Variants in EML6 observed in about 807,000 individuals in gnomAD.
The protein encoded by EML6 is EMAP like 6, also known as echinoderm microtubule-associated protein-like 6.
Under a neutral mutation model 240.1 loss-of-function variants are expected in EML6, and 154 were observed. The observed-to-expected ratio is 0.64, with a 90% CI of 0.56 to 0.73. EML6 has a LOEUF of 0.73. Ranked by LOEUF, EML6 falls within the 30% of genes least tolerant of loss-of-function variation. The pLI is 0.00. For missense variants in EML6, 2,964 were observed against 2,474.6 expected, an observed-to-expected ratio of 1.20 and a Z score of -4.20; for synonymous variants, 1,148 against 899.0, an observed-to-expected ratio of 1.28 and a Z score of -4.95.
intron 38 of EML6, 109 bp downstream of exon 38, chr2:54,964,842 C>T (rs1164037999): frequency 6.0e-6 from 6 of 995,624 alleles, no homozygotes; most frequent in South Asian, 1.8e-5. Flanking sequence ...TGCTAACTCA[C>T]TCTTCACCAG....
At chr2:54,742,547 G>T (rs927761198) in intron 2 of EML6, among the ~76,000 whole-genome samples, 2 of 152,156 alleles carry the variant, frequency 1.3e-5, no homozygotes, top group Non-Finnish European at 2.9e-5. Context: ...ATTCTGCTAT[G>T]ACTTTCCATT....
At chr2:54,888,806 T>C (rs950139060) in intron 17 of EML6, among the ~76,000 whole-genome samples, 9 of 152,224 alleles carry the variant, frequency 5.9e-5, no homozygotes, top group South Asian at 2.1e-4. Flanking sequence ...TTGACAATTA[T>C]GAAGCTGCTA....
intron 26 of EML6, among the ~76,000 whole-genome samples, chr2:54,927,483 C>G (rs1054469948): frequency 6.6e-6 from 1 of 152,156 alleles, no homozygotes; most frequent in African/African-American, 2.4e-5. Flanking sequence ...CCCTCGGAGT[C>G]GCTGAGAGGA....
Position 54,950,777 on chromosome 2 carries a change from C to T in EML6, c.4211C>T (p.Thr1404Ile). 1.9e-6 allele frequency: 3 copies of T among 1,550,568 alleles called. No individual in the cohort carries two copies. The highest frequency in any genetic ancestry group is 2.6e-6 in the Non-Finnish European group (3 of 1,146,586). Residue 1404 changes from threonine to isoleucine, a missense_variant and splice_region_variant, in exon 30 of 42, where the codon ACA becomes ATA. Physicochemically the swap from Thr to Ile is moderately conservative, Grantham distance 89. Coordinates refer to ENST00000356458, the MANE Select transcript of EML6 (RefSeq NM_001039753.4). ...AAAGIVQNLS[T>I]GSQSFYLEHT... ...GCTGGCATCGTTCAGAACCTCTCCA[C>T]AGGTAACCGGGGGTTAAAAAATACA... is the stretch of plus-strand genomic sequence containing the variant.
At chr2:54,742,483 G>A (rs1288908908) in intron 2 of EML6, among the ~76,000 whole-genome samples, 3 of 152,180 alleles carry the variant, frequency 2.0e-5, no homozygotes, top group Admixed American at 2.0e-4. Context: ...CAGAACTAAT[G>A]TCTGTTTCCT....
At chr2:54,966,729 C>A in intron 38 of EML6, 1 of 222,290 alleles carries the variant, frequency 4.5e-6, no homozygotes, top group South Asian at 1.0e-4. Context: ...CTAGATGCAG[C>A]TGACGTTGCT....
intron 7 of EML6, among the ~76,000 whole-genome samples, chr2:54,838,946 T>C (rs1669297168): frequency 1.3e-5 from 2 of 152,246 alleles, no homozygotes; most frequent in South Asian, 4.1e-4. Context: ...CCTGTTTCTC[T>C]TAACTACTGA....
intron 26 of EML6, among the ~76,000 whole-genome samples, chr2:54,920,543 A>C (rs1489622664): frequency 6.6e-6 from 1 of 152,206 alleles, no homozygotes; most frequent in Non-Finnish European, 1.5e-5. Context: ...GGCCAAGACC[A>C]TGTGGCTTCA....
chr2:54,948,108 G>C (rs1468567365), intron 28 of EML6, among the ~76,000 whole-genome samples: 6 of 152,146 alleles, frequency 3.9e-5, no homozygotes, highest in Non-Finnish European at 8.8e-5. Context: ...CCCATCCATA[G>C]AGAAATCTGA....
intron 25 of EML6, among the ~76,000 whole-genome samples, chr2:54,914,891 C>T (rs547840187): frequency 8.5e-5 from 13 of 152,218 alleles, no homozygotes; most frequent in African/African-American, 3.1e-4. Context: ...CCATCTGATA[C>T]AAATGGTACA....
intron 5 of EML6, among the ~76,000 whole-genome samples, chr2:54,826,434 A>G (rs1668597332): frequency 6.6e-6 from 1 of 152,192 alleles, no homozygotes; most frequent in Admixed American, 6.5e-5. Context: ...CCCCATCTCT[A>G]CTAAAAATAC....
intron 21 of EML6, 23 bp from the exon 22 acceptor site, chr2:54,899,618 T>C (rs1348260315): frequency 3.9e-6 from 6 of 1,550,640 alleles, no homozygotes; most frequent in Non-Finnish European, 4.4e-6. Context: ...AGAGTTTATG[T>C]TGCCCCTTTT....
intron 39 of EML6, among the ~76,000 whole-genome samples, chr2:54,967,893 G>A (rs13027633): frequency 0.024 from 3,684 of 152,156 alleles, 60 homozygotes; most frequent in East Asian, 0.049. Context: ...CTAATGCTGC[G>A]GCAGATCTGA....
chr2:54,879,571 T>C lies in EML6; in HGVS notation c.2369T>C (p.Val790Ala), dbSNP rs1037985939. ...FSADGKCLVS[V>A]GLDDFHSIVF... ...GCCGATGGAAAATGTCTGGTGTCGGTTGGTTTAGACGATTTTCACAGTATT... is the reference window on the plus strand; with the variant it reads ...GCCGATGGAAAATGTCTGGTGTCGGCTGGTTTAGACGATTTTCACAGTATT... Residue 790 changes from valine to alanine, a missense_variant, in exon 17 of 42, where the codon GTT (valine) becomes GCT (alanine). By Grantham distance (64) the Val-to-Ala change is moderately conservative. Transcript: ENST00000356458. 2.6e-6 allele frequency: 4 copies of C among 1,551,502 alleles called. No homozygotes were observed. The highest frequency in any genetic ancestry group is 1.4e-5 in the African/African-American group (1 of 73,012).
At chr2:54,840,890 C>T (rs181825721) in intron 7 of EML6, among the ~76,000 whole-genome samples, 143 of 152,342 alleles carry the variant, frequency 9.4e-4, no homozygotes, top group Non-Finnish European at 1.8e-3. Flanking sequence ...GACTCTTCTT[C>T]CTTCCTGATG....
At chr2:54,753,036 A>G (rs1684244989) in intron 2 of EML6, among the ~76,000 whole-genome samples, 1 of 152,180 alleles carries the variant, frequency 6.6e-6, no homozygotes, top group Non-Finnish European at 1.5e-5. Context: ...GTGCCCGGCT[A>G]CATTCTTATA....
At chr2:54,802,157 A>G (rs1670187351) in intron 2 of EML6, among the ~76,000 whole-genome samples, 2 of 152,206 alleles carry the variant, frequency 1.3e-5, no homozygotes. Context: ...GCCCTCCTGT[A>G]GCTAACATTC....
At chr2:54,726,636 C>G (rs1362544312) in intron 2 of EML6, among the ~76,000 whole-genome samples, 1 of 152,100 alleles carries the variant, frequency 6.6e-6, no homozygotes, top group Non-Finnish European at 1.5e-5. Flanking sequence ...TTTCTTCCCT[C>G]CCTAACATGG....
At chr2:54,910,835 T>A in intron 24 of EML6, 119 bp from the exon 25 acceptor site, 1 of 570,008 alleles carries the variant, frequency 1.8e-6, no homozygotes, top group East Asian at 2.8e-5. Context: ...CAAAATGTAT[T>A]TACTCAATTT....
Sources: gnomAD v4.1 joint callset for allele counts (sites outside exome capture counted in the v4.1 genomes callset) on GRCh38, gnomAD v4.1.1 for gene constraint, MANE v1.5 for transcripts, NCBI Gene and HGNC (gene_info 2026-07-23, HGNC 2026-07-21) for gene names.